The following LAD1 variants were observed in gnomAD, a reference collection of about 807,000 sequenced individuals.
LAD1 encodes ladinin 1.
LAD1 carries 53 observed loss-of-function variants against 54.2 expected under a neutral mutation model. That is an observed-to-expected ratio of 0.98 (90% confidence interval 0.78 to 1.23). LAD1 has a LOEUF of 1.23. LAD1 is among the 50% of genes most tolerant of loss of function. LAD1 has a pLI of 0.00. For synonymous variants in LAD1, 231 were observed against 257.7 expected, an observed-to-expected ratio of 0.90 and a Z score of 0.99; for missense variants, 637 against 653.3, an observed-to-expected ratio of 0.98 and a Z score of 0.27.
intron 1 of LAD1, 69 bp downstream of exon 1, chr1:201,399,200 C>T: frequency 7.8e-7 from 1 of 1,278,568 alleles, no homozygotes; most frequent in Non-Finnish European, 1.1e-6. Flanking sequence ...GAGGCCGGTG[C>T]CCCGAGGAGA....
intron 1 of LAD1, among the ~76,000 whole-genome samples, chr1:201,396,892 A>G (rs1389374674): frequency 6.6e-6 from 1 of 152,182 alleles, no homozygotes; most frequent in Non-Finnish European, 1.5e-5. Flanking sequence ...AGGCCCAGGC[A>G]GGGAAATGAT....
chr1:201,382,206 C>T (rs1256128959), intron 9 of LAD1, 46 bp downstream of exon 9: 4 of 1,473,922 alleles, frequency 2.7e-6, no homozygotes, highest in Non-Finnish European at 2.8e-6. Flanking sequence ...TCCCACAGTA[C>T]ACCGTGGCCC....
rs189247161 is a variant in LAD1, at chr1:201,390,796, G to A, written c.39-1493C>T. Among the ~76,000 whole-genome samples, 159 of 152,252 alleles carry A rather than the reference G, an allele frequency of 1.0e-3. 1 individual carries two copies. Among genetic ancestry groups the A allele is most frequent in the African/African-American group, 3.7e-3 (153 of 41,558 alleles). ...GACATTGCCAAATGTCTCCTGGGGG[G>A]CAAAGTCACCCCACATAGGAACCAC... On this transcript the variant is annotated intron_variant, in intron 1 of 9. Coordinates refer to ENST00000391967, the MANE Select transcript of LAD1 (RefSeq NM_005558.4).
chr1:201,388,696 AAAG>A lies in LAD1; in HGVS notation c.182+461_182+463del, dbSNP rs1223342517. Among the ~76,000 whole-genome samples the A allele has an allele frequency of 1.5e-4, 23 of 151,918 alleles. No individual in the cohort carries two copies. The South Asian group carries it at 4.4e-3, about 29-fold the overall frequency. On this transcript the variant is annotated intron_variant, in intron 2 of 9. Coordinates refer to ENST00000391967, the MANE Select transcript of LAD1 (RefSeq NM_005558.4). ...GACTTCGTCTCAAAAAAAAAAAAAA[AAAG>A]AAGTAAATTATAGAGGGTCAGGGTT... is the stretch of plus-strand genomic sequence containing the variant.
At chr1:201,396,900 G>T (rs1385794616) in intron 1 of LAD1, among the ~76,000 whole-genome samples, 2 of 152,164 alleles carry the variant, frequency 1.3e-5, no homozygotes, top group African/African-American at 4.8e-5. Context: ...GCAGGGAAAT[G>T]ATTAACCACT....
Position 201,386,333 on chromosome 1 carries a change from AC to A in LAD1, c.1026+1del, listed in dbSNP as rs1379449114. Reference sequence around the variant, plus strand: ...GGGTGGGAGGGACGGGACACTGCCAACCTGGAGTGTGACGGGTGGGAGGCGG... The same window carrying A: ...GGGTGGGAGGGACGGGACACTGCCAACTGGAGTGTGACGGGTGGGAGGCGG... On this transcript the variant is annotated splice_donor_variant, in intron 3 of 9. Coordinates refer to ENST00000391967, the MANE Select transcript of LAD1 (RefSeq NM_005558.4). LOFTEE classifies it high-confidence loss of function. 9.6e-6 allele frequency: 14 copies of A among 1,456,058 alleles called. No individual in the cohort carries two copies. Among genetic ancestry groups the A allele is most frequent in the Non-Finnish European group, 1.3e-5 (14 of 1,104,134 alleles). 90.2% of individuals were successfully genotyped at this position (1,456,058 alleles called of 1,614,324 possible). A position where few individuals can be genotyped will look rare whatever the true frequency, so the allele number is the denominator to read the frequency against.
chr1:201,382,570 C>T, intron 8 of LAD1, 83 bp downstream of exon 8: 1 of 1,183,684 alleles, frequency 8.4e-7, no homozygotes, highest in Admixed American at 2.0e-5. Context: ...ATGACTCCTC[C>T]TCTCCCGACT....
At chr1:201,381,917 A>G (rs1661970677) in intron 9 of LAD1, 24 bp from the exon 10 acceptor site, 2 of 1,612,920 alleles carry the variant, frequency 1.2e-6, no homozygotes, top group East Asian at 4.5e-5. Flanking sequence ...AGCTGTTAGC[A>G]CAAGTCAATG....
intron 1 of LAD1, among the ~76,000 whole-genome samples, chr1:201,393,610 G>T (rs1198569138): frequency 4.6e-5 from 7 of 151,970 alleles, no homozygotes; most frequent in African/African-American, 7.3e-5. Context: ...GCCGGGCATG[G>T]TGGCAGACTC....
chr1:201,392,583 G>A (rs1662214849), intron 1 of LAD1, among the ~76,000 whole-genome samples: 1 of 152,216 alleles, frequency 6.6e-6, no homozygotes, highest in African/African-American at 2.4e-5. Context: ...CATGTGAGGA[G>A]CTGGGTATTC....
In LAD1 at chr1:201,386,533, A is replaced by G; in HGVS notation, c.828T>C (p.Asp276=). 1.2e-6 allele frequency: 2 copies of G among 1,608,488 alleles called. No individual in the cohort carries two copies. Among genetic ancestry groups the G allele is most frequent in the Non-Finnish European group, 1.7e-6 (2 of 1,177,724 alleles). The change falls in exon 3 of 10, where the codon GAT becomes GAC. Residue 276 remains aspartate (D), a synonymous_variant. Transcript: ENST00000391967. ...ALASEKSPTA[D]AKPAPKRATA... is the part of the protein sequence containing the mutation. ...TGGCCCTCTTTGGGGCCGGCTTAGC[A>G]TCTGCAGTTGGGCTCTTCTCTGAGG...
At chr1:201,384,278 G>A (rs1040897076) in intron 5 of LAD1, among the ~76,000 whole-genome samples, 22 of 152,054 alleles carry the variant, frequency 1.4e-4, no homozygotes, top group African/African-American at 3.9e-4. Flanking sequence ...AATACAGCAT[G>A]AGTGGATGAC....
chr1:201,398,920 G>C (rs1662353712), intron 1 of LAD1, among the ~76,000 whole-genome samples: 2 of 152,166 alleles, frequency 1.3e-5, no homozygotes, highest in African/African-American at 4.8e-5. Context: ...CTTCTCTCAG[G>C]AATGAGGCTT....
At position 201,386,883 on chromosome 1, in the gene LAD1, T is replaced by A. The variant is rs1662100904; in HGVS notation, c.478A>T (p.Ser160Cys). Residue 160 changes from serine to cysteine, a missense_variant, in exon 3 of 10, where the codon AGC becomes TGC. By Grantham distance (112) the Ser-to-Cys change is moderately radical. Transcript: ENST00000391967. Reference sequence around the variant, plus strand: ...TCTTCTGGCTCCCTGCCCACCAAGCTCTCCTCCTCCAGGGCCCAGGGGCCC... The same window carrying A: ...TCTTCTGGCTCCCTGCCCACCAAGCACTCCTCCTCCAGGGCCCAGGGGCCC... ...QRGPWALEEE[S>C]LVGREPEERK... 6 of 1,613,448 alleles carry A rather than the reference T, an allele frequency of 3.7e-6. No homozygotes were observed. The highest frequency in any genetic ancestry group is 1.3e-5 in the African/African-American group (1 of 74,782).
At position 201,384,863 on chromosome 1, in the gene LAD1, T is replaced by C. The variant is rs1003755562; in HGVS notation, c.1132-28A>G. On this transcript the variant is annotated intron_variant, in intron 4 of 9. Transcript: ENST00000391967. The stretch of plus-strand genomic sequence containing the variant: ...GAAATGAGAAGGAAAGGCATTGTTG[T>C]GTGGGAGTCCCCGGGAAATCGGTGG... 5 of 1,612,674 alleles carry C rather than the reference T, an allele frequency of 3.1e-6. No homozygotes were observed. The African/African-American group carries it at 6.7e-5, about 22-fold the overall frequency.
In LAD1 at chr1:201,381,656, C is replaced by G. The variant is rs796178836; in HGVS notation, c.*232G>C. On this transcript the variant is annotated 3_prime_UTR_variant, in exon 10 of 10. Coordinates refer to ENST00000391967, the MANE Select transcript of LAD1 (RefSeq NM_005558.4). Reference sequence around the variant, plus strand: ...CTGGGCAGAGACTGGGTCCCAGCATCTGTTGTGCCTGCCGCAGGGTGAGAA... The same window carrying G: ...CTGGGCAGAGACTGGGTCCCAGCATGTGTTGTGCCTGCCGCAGGGTGAGAA... 2 of 616,144 alleles carry G rather than the reference C, an allele frequency of 3.2e-6. No individual in the cohort carries two copies. Among genetic ancestry groups the G allele is most frequent in the South Asian group, 3.8e-5 (2 of 52,488 alleles). 38.2% of individuals were successfully genotyped at this position (616,144 alleles called of 1,614,324 possible).
intron 2 of LAD1, among the ~76,000 whole-genome samples, 197 bp downstream of exon 2, chr1:201,388,963 T>C (rs1045570787): frequency 1.3e-5 from 2 of 152,132 alleles, no homozygotes; most frequent in South Asian, 2.1e-4. Flanking sequence ...GGTCTACAAA[T>C]AGTAGCAAGC....
intron 2 of LAD1, among the ~76,000 whole-genome samples, 174 bp from the exon 3 acceptor site, chr1:201,387,352 A>G (rs1186299586): frequency 6.6e-6 from 1 of 152,200 alleles, no homozygotes; most frequent in East Asian, 1.9e-4. Flanking sequence ...CTTCCAAGGT[A>G]TCATCTGAGC....
intron 2 of LAD1, 65 bp downstream of exon 2, chr1:201,389,095 T>G: frequency 1.3e-6 from 2 of 1,559,746 alleles, no homozygotes; most frequent in South Asian, 2.3e-5. Flanking sequence ...AGACTGAATA[T>G]GCTGCACTTA....
Sources: allele counts gnomAD v4.1 joint callset (sites outside exome capture counted in the v4.1 genomes callset), GRCh38; gene constraint gnomAD v4.1.1; transcripts MANE v1.5; gene names NCBI Gene and HGNC (gene_info 2026-07-23, HGNC 2026-07-21).